The following CCSER1 variants were observed in gnomAD, a reference collection of about 807,000 sequenced individuals.
CCSER1 encodes the protein serine-rich coiled-coil domain-containing protein 1.
CCSER1 carries 41 observed loss-of-function variants against 82.0 expected under a neutral mutation model. That is an observed-to-expected ratio of 0.50 (90% confidence interval 0.39 to 0.65). The LOEUF (loss-of-function observed/expected upper bound fraction) is 0.65, where lower values mean the gene tolerates loss of function less well. Ranked by LOEUF, CCSER1 falls within the 30% of genes least tolerant of loss-of-function variation. The pLI, the probability that CCSER1 is intolerant of heterozygous loss-of-function variation, is 0.00. For synonymous variants in CCSER1, 414 were observed against 383.9 expected (o/e 1.08, Z -0.92); for missense variants, 1,119 against 1,064.2 (o/e 1.05, Z -0.72).
At chr4:90,461,315 C>T (rs971224847) in intron 4 of CCSER1, among the ~76,000 whole-genome samples, 3 of 117,074 alleles carry the variant, frequency 2.6e-5, no homozygotes, top group Non-Finnish European at 3.4e-5. Flanking sequence ...GATCCGCCCG[C>T]CTCGGCCTCC....
Position 90,143,523 on chromosome 4 carries a change from C to T in CCSER1, c.-42+15692C>T, listed in dbSNP as rs982409642. Among the ~76,000 whole-genome samples the T allele has an allele frequency of 4.6e-5, 7 of 151,726 alleles. No homozygotes were observed. In the East Asian group the frequency reaches 1.4e-3, roughly 29 times the overall value. On this transcript the variant is annotated intron_variant, in intron 1 of 10. Coordinates refer to ENST00000509176, the MANE Select transcript of CCSER1 (RefSeq NM_001145065.2). ...ACACACACACACACACACACACACACACACCAGGTATTAATATACCATTAT... is the reference window on the plus strand; with the variant it reads ...ACACACACACACACACACACACACATACACCAGGTATTAATATACCATTAT...
chr4:90,643,904 C>T (rs1387429963), intron 6 of CCSER1, among the ~76,000 whole-genome samples: 1 of 152,056 alleles, frequency 6.6e-6, no homozygotes, highest in Non-Finnish European at 1.5e-5. Context: ...TTCTCTTTCC[C>T]CCTTAAAAAG....
At chr4:90,763,076 A>G (rs1452224728) in intron 7 of CCSER1, among the ~76,000 whole-genome samples, 1 of 152,118 alleles carries the variant, frequency 6.6e-6, no homozygotes, top group African/African-American at 2.4e-5. Flanking sequence ...GCTTACACCA[A>G]GAGAAGACAT....
At chr4:91,015,927 C>A (rs1739393668) in intron 9 of CCSER1, among the ~76,000 whole-genome samples, 1 of 151,886 alleles carries the variant, frequency 6.6e-6, no homozygotes, top group African/African-American at 2.4e-5. Flanking sequence ...AGTTTAATAG[C>A]ATTTTGTGTA....
In CCSER1 at chr4:90,633,514, G is replaced by A. The variant is rs1724847326; in HGVS notation, c.1932+5282G>A. ...CTTAACTGTATTTTTAAAATTATCT[G>A]CTAAATCTTCCAGATTAGAAGAAAG... On this transcript the variant is annotated intron_variant, in intron 6 of 10. Coordinates refer to ENST00000509176, the MANE Select transcript of CCSER1 (RefSeq NM_001145065.2). 2.0e-5 allele frequency among the ~76,000 whole-genome samples: 3 copies of A among 151,952 alleles called. No individual in the cohort carries two copies. In the South Asian group the frequency reaches 6.2e-4, roughly 31 times the overall value.
intron 7 of CCSER1, among the ~76,000 whole-genome samples, chr4:90,807,651 CAAA>C (rs3042345): frequency 3.6e-5 from 5 of 139,874 alleles, no homozygotes; most frequent in African/African-American, 1.0e-4. Context: ...TTTACATTTG[CAAA>C]AAAAAAAAAA....
chr4:91,141,145 A>G (rs1165553741), intron 10 of CCSER1, among the ~76,000 whole-genome samples: 4 of 149,806 alleles, frequency 2.7e-5, no homozygotes, highest in Admixed American at 6.8e-5. Context: ...AAAGGATATG[A>G]TTTCATTCTT....
chr4:90,824,994 T>C (rs1228334535), intron 8 of CCSER1, among the ~76,000 whole-genome samples: 1 of 152,184 alleles, frequency 6.6e-6, no homozygotes, highest in Non-Finnish European at 1.5e-5. Context: ...CAGTATCCTA[T>C]GATACATAAT....
chr4:90,752,140 A>T (rs1421945370), intron 7 of CCSER1, among the ~76,000 whole-genome samples: 1 of 152,110 alleles, frequency 6.6e-6, no homozygotes, highest in African/African-American at 2.4e-5. Context: ...GGAAAACTTT[A>T]CAGCGACTCC....
intron 5 of CCSER1, among the ~76,000 whole-genome samples, chr4:90,521,617 A>G (rs969586472): frequency 6.6e-6 from 1 of 152,180 alleles, no homozygotes; most frequent in Non-Finnish European, 1.5e-5. Context: ...ATGAAAAGCA[A>G]ATAGATGGAA....
intron 9 of CCSER1, among the ~76,000 whole-genome samples, chr4:90,973,919 G>A (rs1735359882): frequency 6.6e-6 from 1 of 151,536 alleles, no homozygotes; most frequent in African/African-American, 2.4e-5. Context: ...GAACGAGAAT[G>A]TGTTCCTGGT....
chr4:90,562,852 T>A (rs199736590), intron 5 of CCSER1, among the ~76,000 whole-genome samples: 4,600 of 137,216 alleles, frequency 0.034, 97 homozygotes, highest in African/African-American at 0.063. Context: ...TTTTTTTTTT[T>A]AAAAAAAAAA....
chr4:90,535,924 AG>A (rs1312557924), intron 5 of CCSER1, among the ~76,000 whole-genome samples: 1 of 152,148 alleles, frequency 6.6e-6, no homozygotes, highest in Non-Finnish European at 1.5e-5. Flanking sequence ...TGGAGACTGT[AG>A]TTAAATGACT....
intron 4 of CCSER1, among the ~76,000 whole-genome samples, chr4:90,400,366 A>T (rs79434243): frequency 3.9e-5 from 6 of 152,194 alleles, no homozygotes; most frequent in African/African-American, 1.4e-4. Flanking sequence ...AAGAAAAACT[A>T]TAAAAAAATC....
chr4:90,183,714 C>T (rs1222541386), intron 1 of CCSER1, among the ~76,000 whole-genome samples: 1 of 152,130 alleles, frequency 6.6e-6, no homozygotes, highest in East Asian at 1.9e-4. Context: ...ACAGACAACA[C>T]TAGTAATCAT....
At chr4:90,965,366 C>A (rs1734460704) in intron 9 of CCSER1, among the ~76,000 whole-genome samples, 1 of 152,010 alleles carries the variant, frequency 6.6e-6, no homozygotes, top group Non-Finnish European at 1.5e-5. Context: ...TGTGTATGCC[C>A]AAGAAAGACC....
At chr4:90,158,706 G>C (rs980455378) in intron 1 of CCSER1, among the ~76,000 whole-genome samples, 7 of 152,308 alleles carry the variant, frequency 4.6e-5, no homozygotes, top group African/African-American at 1.7e-4. Context: ...ATCTACTGCT[G>C]CGCCGTTTTT....
chr4:90,287,089 T>G (rs539093799), intron 1 of CCSER1, among the ~76,000 whole-genome samples: 1 of 151,876 alleles, frequency 6.6e-6, no homozygotes, highest in African/African-American at 2.4e-5. Context: ...CTGCTTTACT[T>G]TTTTCCAAGA....
chr4:90,396,059 C>T (rs992354893), intron 3 of CCSER1, among the ~76,000 whole-genome samples: 5 of 152,084 alleles, frequency 3.3e-5, no homozygotes, highest in Admixed American at 6.6e-5. Context: ...CCAGCCTAGG[C>T]AACAGAGAAA....
Sources: allele counts gnomAD v4.1 joint callset (sites outside exome capture counted in the v4.1 genomes callset), GRCh38; gene constraint gnomAD v4.1.1; transcripts MANE v1.5; gene names NCBI Gene and HGNC (gene_info 2026-07-23, HGNC 2026-07-21).